IFI16: variants seen among roughly 807,000 people sequenced by gnomAD.
IFI16 encodes interferon gamma inducible protein 16.
Under a neutral mutation model 68.4 loss-of-function variants are expected in IFI16, and 49 were observed. The ratio of observed to expected loss-of-function variants is 0.72; its 90% CI spans 0.57 to 0.91. IFI16 has a LOEUF of 0.91. IFI16 is among the 40% of genes least tolerant of loss of function. The pLI is 0.00. For missense variants in IFI16, 878 were observed against 942.9 expected, an observed-to-expected ratio of 0.93 and a Z score of 0.90; for synonymous variants, 307 against 315.0, an observed-to-expected ratio of 0.97 and a Z score of 0.27.
At position 159,032,665 on chromosome 1, in the gene IFI16, A is replaced by G. The variant is rs1461894099; in HGVS notation, c.1303A>G (p.Thr435Ala). ...TCGGACTCCTCAGATGCCACCAACA[A>G]CTCCATCCAGCAGTTTCTTCACCAA... ...HLRTPQMPPT[T>A]PSSSFFTKKS... The change falls in exon 7 of 12, where the codon ACT becomes GCT. Residue 435 changes from threonine to alanine, a missense_variant. Coordinates refer to ENST00000295809, the MANE Select transcript of IFI16 (RefSeq NM_001376587.1). 1.3e-6 allele frequency: 2 copies of G among 1,599,308 alleles called. No individual in the cohort carries two copies. The highest frequency in any genetic ancestry group is 2.3e-5 in the South Asian group (2 of 88,842).
rs767856907 is a variant in IFI16 at position 159,015,857 on chromosome 1, T to C, written c.266-15T>C. ...TTTTCTGCATTGGTTGGGAATAAAA[T>C]TGAATCTATTCCAGTAAAAGGACCA... On this transcript the variant is annotated splice_polypyrimidine_tract_variant and intron_variant, in intron 2 of 11. Transcript: ENST00000295809. 2 of 1,571,526 alleles carry C rather than the reference T, an allele frequency of 1.3e-6. No individual in the cohort carries two copies. The highest frequency in any genetic ancestry group is 4.5e-5 in the East Asian group (2 of 44,706).
intron 1 of IFI16, among the ~76,000 whole-genome samples, chr1:159,000,802 G>A (rs1652030685): frequency 6.6e-6 from 1 of 152,122 alleles, no homozygotes; most frequent in Non-Finnish European, 1.5e-5. Flanking sequence ...GACGGGAAGT[G>A]CTTGGCTCAT....
intron 6 of IFI16, among the ~76,000 whole-genome samples, chr1:159,022,125 G>A (rs1252935598): frequency 1.3e-5 from 2 of 151,756 alleles, no homozygotes; most frequent in South Asian, 2.1e-4. Context: ...CACCGCCCCC[G>A]GCTAAATTTT....
intron 7 of IFI16, among the ~76,000 whole-genome samples, chr1:159,039,274 T>A (rs1654486206): frequency 6.6e-6 from 1 of 152,104 alleles, no homozygotes; most frequent in Non-Finnish European, 1.5e-5. Context: ...ACCAGAGAGA[T>A]GACAGTGAGA....
At position 159,052,072 on chromosome 1, in the gene IFI16, G is replaced by C; in HGVS notation, c.2059G>C (p.Val687Leu). 1 of 1,612,534 alleles carries C rather than the reference G, an allele frequency of 6.2e-7. No individual in the cohort carries two copies. Among genetic ancestry groups the C allele is most frequent in the Non-Finnish European group, 8.5e-7 (1 of 1,179,752 alleles). ...QLCSQTKGSF[V>L]NGVFEVHKKN... ...TTGCTCACAAACTAAAGGAAGTTTT[G>C]TGAATGGGGTGTTTGAGGTACATAA... The change falls in exon 10 of 12, where the codon GTG (valine) becomes CTG (leucine). Residue 687 changes from valine to leucine, a missense_variant. This residue lies in a region of IFI16 where 311 missense variants were observed against 305.1 expected (regional missense o/e 1.02). Transcript: ENST00000295809.
At chr1:159,025,622 G>A (rs73021886) in intron 6 of IFI16, among the ~76,000 whole-genome samples, 45,356 of 151,958 alleles carry the variant, frequency 0.3, 9,448 homozygotes, top group African/African-American at 0.59. Context: ...CCCACTCTGT[G>A]GGTTGTCTGT....
intron 8 of IFI16, among the ~76,000 whole-genome samples, chr1:159,047,569 G>A (rs1306035540): frequency 6.6e-6 from 1 of 150,762 alleles, no homozygotes; most frequent in Non-Finnish European, 1.5e-5. Flanking sequence ...ACTTGCATAG[G>A]AATCATTCTG....
chr1:159,015,843 G>A, intron 2 of IFI16, 29 bp from the exon 3 acceptor site: 1 of 1,501,070 alleles, frequency 6.7e-7, no homozygotes, highest in Non-Finnish European at 9.2e-7. Flanking sequence ...TTTCTGCATT[G>A]GTTGGGAATA....
At position 159,055,097 on chromosome 1, in the gene IFI16, C is replaced by A; in HGVS notation, c.*196C>A. ...TTTTTTAATAAAATGGCATATTTTG[C>A]ATCTACAACTTCTATAATTTGAAAA... On this transcript the variant is annotated 3_prime_UTR_variant, in exon 12 of 12. Coordinates refer to ENST00000295809, the MANE Select transcript of IFI16 (RefSeq NM_001376587.1). The A allele has an allele frequency of 2.6e-6, 1 of 390,456 alleles. No homozygotes were observed. 24.2% of individuals were successfully genotyped at this position (390,456 alleles called of 1,614,324 possible).
At chr1:159,027,737 A>G (rs141135063) in intron 6 of IFI16, among the ~76,000 whole-genome samples, 33 of 152,202 alleles carry the variant, frequency 2.2e-4, no homozygotes, top group African/African-American at 5.1e-4. Flanking sequence ...CAGAGTTTCT[A>G]TATCTTCCTG....
At chr1:159,039,796 C>G (rs1654517793) in intron 7 of IFI16, among the ~76,000 whole-genome samples, 1 of 152,180 alleles carries the variant, frequency 6.6e-6, no homozygotes, top group South Asian at 2.1e-4. Flanking sequence ...CTTCAGAAAA[C>G]CTCCAGGAGT....
intron 9 of IFI16, among the ~76,000 whole-genome samples, chr1:159,050,000 A>C (rs1438473301): frequency 6.6e-6 from 1 of 152,232 alleles, no homozygotes. Flanking sequence ...AGGAAGGTAC[A>C]TAAGCAAAAA....
chr1:159,001,613 G>C (rs943840043), upstream of IFI16, among the ~76,000 whole-genome samples: 8 of 152,042 alleles, frequency 5.3e-5, no homozygotes, highest in African/African-American at 1.7e-4. Context: ...AGAAAAGAAG[G>C]AAATTTGCAT....
Position 159,045,495 on chromosome 1 carries a change from C to G in IFI16, c.1497+31C>G, listed in dbSNP as rs370952993. ...AGTTCCCTCTTCCCAATACATTCCC[C>G]TCACTACAATGTAATGACAAGGATT... On this transcript the variant is annotated intron_variant, in intron 8 of 11. Transcript: ENST00000295809. 5.9e-5 allele frequency: 95 copies of G among 1,606,940 alleles called. 1 individual carries two copies. In the African/African-American group the frequency reaches 1.2e-3, roughly 19 times the overall value.
chr1:159,000,085 T>C (rs936080257), exon 1 of IFI16: 2 of 163,204 alleles, frequency 1.2e-5, no homozygotes, highest in Non-Finnish European at 2.8e-5. Context: ...CCCGAAGACA[T>C]TTTGCCACAA....
At chr1:159,003,338 A>T (rs963499495), upstream of IFI16, among the ~76,000 whole-genome samples, 1 of 152,218 alleles carries the variant, frequency 6.6e-6, no homozygotes, top group African/African-American at 2.4e-5. Context: ...CTATTTAGAC[A>T]ATAGATGTAT....
Position 159,047,100 on chromosome 1 carries a change from C to G in IFI16, c.1497+1636C>G, listed in dbSNP as rs559309931. Among the ~76,000 whole-genome samples, 369 of 150,164 alleles carry G rather than the reference C, an allele frequency of 2.5e-3. 21 individuals carry two copies. The highest frequency in any genetic ancestry group is 4.4e-3 in the Non-Finnish European group (298 of 67,470). On this transcript the variant is annotated intron_variant, in intron 8 of 11. Coordinates refer to ENST00000295809, the MANE Select transcript of IFI16 (RefSeq NM_001376587.1). Reference sequence around the variant, plus strand: ...GTATGGGCAGGGAAATACTGACCCACGGCAACTTGAGGGATAGGGAACACT... The same window carrying G: ...GTATGGGCAGGGAAATACTGACCCAGGGCAACTTGAGGGATAGGGAACACT...
At chr1:159,042,607 TCTCA>T (rs917274798) in intron 7 of IFI16, among the ~76,000 whole-genome samples, 2 of 152,164 alleles carry the variant, frequency 1.3e-5, no homozygotes, top group Non-Finnish European at 2.9e-5. Flanking sequence ...TTGAGCAAGT[TCTCA>T]CTAATACCCT....
upstream of IFI16, chr1:159,006,111 G>A (rs1652247154): frequency 6.6e-6 from 1 of 152,346 alleles, no homozygotes. Context: ...TTTGGTCTGA[G>A]CTTGCCTTGT....
Sources: allele counts gnomAD v4.1 joint callset (sites outside exome capture counted in the v4.1 genomes callset), GRCh38; gene constraint gnomAD v4.1.1; regional missense constraint gnomAD v4.1.1; transcripts MANE v1.5; gene names NCBI Gene and HGNC (gene_info 2026-07-23, HGNC 2026-07-21).